Variants in IARS1 observed in about 807,000 individuals in gnomAD.
IARS1 encodes the protein isoleucyl-tRNA synthetase 1.
A neutral mutation model predicts 168.2 loss-of-function variants in IARS1; 124 were observed. The observed-to-expected ratio is 0.74, with a 90% CI of 0.64 to 0.86. IARS1 has a LOEUF of 0.86. Among genes scored for constraint, IARS1 ranks in the 40% least tolerant of loss-of-function variants. The pLI is 0.00. For missense variants in IARS1, 1,452 were observed against 1,515.8 expected (o/e 0.96, Z 0.70); for synonymous variants, 532 against 529.4 (o/e 1.00, Z -0.07).
At position 92,240,971 on chromosome 9, in the gene IARS1, T is replaced by C. The variant is rs766016986; in HGVS notation, c.3178-10A>G. ...GTTCAGATCCCTTCAACTGAGCACA[T>C]GAGAACGTATGACTGAGTAACTGTG... On this transcript the variant is annotated splice_polypyrimidine_tract_variant and intron_variant, in intron 29 of 33. Transcript: ENST00000443024. 4 of 1,522,956 alleles carry C rather than the reference T, an allele frequency of 2.6e-6. No homozygotes were observed. Among genetic ancestry groups the C allele is most frequent in the South Asian group, 2.3e-5 (2 of 88,786 alleles). 94.3% of individuals were successfully genotyped at this position (1,522,956 alleles called of 1,614,324 possible).
chr9:92,272,674 A>G (rs1833223880), intron 10 of IARS1, among the ~76,000 whole-genome samples: 1 of 152,120 alleles, frequency 6.6e-6, no homozygotes, highest in African/African-American at 2.4e-5. Context: ...ACATGGTGAA[A>G]CCCTGTCTCT....
chr9:92,253,601 C>T (rs1356320041), intron 20 of IARS1, 148 bp from the exon 21 acceptor site: 3 of 630,108 alleles, frequency 4.8e-6, no homozygotes, highest in Non-Finnish European at 8.6e-6. Flanking sequence ...GAATCAATCA[C>T]ATAATGACTG....
At chr9:92,233,714 A>G (rs1388436189) in intron 30 of IARS1, among the ~76,000 whole-genome samples, 1 of 152,102 alleles carries the variant, frequency 6.6e-6, no homozygotes, top group East Asian at 1.9e-4. Context: ...TTTCATCACT[A>G]TTTTGAAGTT....
At position 92,278,719 on chromosome 9, in the gene IARS1, T is replaced by C. The variant is rs140124624; in HGVS notation, c.746-433A>G. On this transcript the variant is annotated intron_variant, in intron 7 of 33. Coordinates refer to ENST00000443024, the MANE Select transcript of IARS1 (RefSeq NM_002161.6). The stretch of plus-strand genomic sequence containing the variant: ...ACATATAGGTAAATGTGTAAGTTCT[T>C]TTTATTTTTCTAATTGAGGTAATAT... Among the ~76,000 whole-genome samples, 142 of 152,310 alleles carry C rather than the reference T, an allele frequency of 9.3e-4. 1 individual carries two copies. Among genetic ancestry groups the C allele is most frequent in the African/African-American group, 3.2e-3 (135 of 41,562 alleles).
chr9:92,219,835 T>G (rs1839381236), intron 33 of IARS1, among the ~76,000 whole-genome samples: 1 of 148,390 alleles, frequency 6.7e-6, no homozygotes, highest in Non-Finnish European at 1.5e-5. Context: ...GTAAACTAGT[T>G]CAACCATTGT....
In IARS1 at chr9:92,253,359, T is replaced by TA. The variant is rs779965328; in HGVS notation, c.2229+2dup. 1 of 1,604,880 alleles carries TA rather than the reference T, an allele frequency of 6.2e-7. No individual in the cohort carries two copies. Among genetic ancestry groups the TA allele is most frequent in the African/African-American group, 1.3e-5 (1 of 74,900 alleles). On this transcript the variant is annotated splice_region_variant and intron_variant, in intron 21 of 33. Transcript: ENST00000443024. ...GCTTTTCCCAACAGCAGTCTGCACT[T>TA]ACCTTTAATCTTCTGCGGTTCATTC...
rs945402484 is a variant in IARS1 at position 92,260,381 on chromosome 9, C to A, written c.1788-147G>T. 4 of 656,424 alleles carry A rather than the reference C, an allele frequency of 6.1e-6. No homozygotes were observed. In the African/African-American group the frequency reaches 7.1e-5, roughly 12 times the overall value. 40.7% of individuals were successfully genotyped at this position (656,424 alleles called of 1,614,324 possible). On this transcript the variant is annotated intron_variant, in intron 17 of 33. Coordinates refer to ENST00000443024, the MANE Select transcript of IARS1 (RefSeq NM_002161.6). ...TAGAAGTTAGTGCTAATAGGCCGGG[C>A]GCGGTGGCTCACTCCTGTAATCCCA... is the stretch of plus-strand genomic sequence containing the variant.
At position 92,210,675 on chromosome 9, in the gene IARS1, C is replaced by T. The variant is rs1837598661; in HGVS notation, c.*132G>A. On this transcript the variant is annotated 3_prime_UTR_variant, in exon 34 of 34. Transcript: ENST00000443024. The stretch of plus-strand genomic sequence containing the variant: ...TAATCAATCCCATTTGAATTTCAAT[C>T]CAAGCAGCATATTTTACACACACCT... 2 of 610,962 alleles carry T rather than the reference C, an allele frequency of 3.3e-6. No individual in the cohort carries two copies. The highest frequency in any genetic ancestry group is 4.5e-5 in the South Asian group (2 of 44,880). The allele number at this position is 610,962 out of a possible 1,614,324, so 37.8% of individuals were successfully genotyped here. A position where few individuals can be genotyped will look rare whatever the true frequency, so the allele number is the denominator to read the frequency against.
At chr9:92,242,013 C>A in intron 29 of IARS1, 141 bp downstream of exon 29, 1 of 652,268 alleles carries the variant, frequency 1.5e-6, no homozygotes, top group Admixed American at 2.8e-5. Flanking sequence ...TCTGACTCTA[C>A]CCACTACTGT....
At chr9:92,258,726 G>C (rs953362666) in intron 19 of IARS1, 128 bp downstream of exon 19, 2 of 965,944 alleles carry the variant, frequency 2.1e-6, no homozygotes, top group Admixed American at 3.3e-5. Context: ...ATGGCTCTAA[G>C]TTACCCCAGC....
At chr9:92,273,401 C>T (rs1833364949) in intron 10 of IARS1, among the ~76,000 whole-genome samples, 1 of 152,060 alleles carries the variant, frequency 6.6e-6, no homozygotes, top group South Asian at 2.1e-4. Context: ...AGAGATGCAG[C>T]TAGAATTACT....
At position 92,247,600 on chromosome 9, in the gene IARS1, G is replaced by A. The variant is rs1829408776; in HGVS notation, c.2617-49C>T. On this transcript the variant is annotated intron_variant, in intron 25 of 33. Coordinates refer to ENST00000443024, the MANE Select transcript of IARS1 (RefSeq NM_002161.6). ...ACAAAAATGAGAAATGAAAACATAT[G>A]TTCACACAAAAATGTAGGTCCACAG... The A allele has an allele frequency of 5.8e-6, 9 of 1,544,800 alleles. No individual in the cohort carries two copies. In the East Asian group the frequency reaches 2.0e-4, roughly 35 times the overall value.
At chr9:92,280,661 CA>C (rs1834410901) in intron 7 of IARS1, 84 bp downstream of exon 7, 2 of 786,912 alleles carry the variant, frequency 2.5e-6, no homozygotes, top group Non-Finnish European at 1.9e-6. Context: ...ATTCTTCATG[CA>C]AAAAGAAAGG....
intron 2 of IARS1, 129 bp from the exon 3 acceptor site, chr9:92,288,411 A>G: frequency 6.5e-6 from 5 of 766,850 alleles, no homozygotes; most frequent in South Asian, 3.2e-5. Flanking sequence ...ACCGACAGAC[A>G]TAATTGATTT....
chr9:92,243,853 G>T (rs1273149319), intron 27 of IARS1, among the ~76,000 whole-genome samples: 1 of 152,126 alleles, frequency 6.6e-6, no homozygotes, highest in African/African-American at 2.4e-5. Flanking sequence ...TTTTGCTAAG[G>T]TTAATGTTTC....
At chr9:92,287,186 T>C (rs1835592216) in intron 4 of IARS1, among the ~76,000 whole-genome samples, 1 of 152,172 alleles carries the variant, frequency 6.6e-6, no homozygotes, top group Non-Finnish European at 1.5e-5. Context: ...TCAGGAAACC[T>C]CACACATTGA....
At chr9:92,290,069 T>C (rs948963150) in intron 1 of IARS1, among the ~76,000 whole-genome samples, 6 of 152,094 alleles carry the variant, frequency 3.9e-5, no homozygotes, top group African/African-American at 9.7e-5. Context: ...CTTGGGTTTG[T>C]AGCTAGAAGT....
At position 92,289,932 on chromosome 9, in the gene IARS1, C is replaced by CATGATATGGATA. The variant is rs1259430178; in HGVS notation, c.-7-507_-7-506insTATCCATATCAT. On this transcript the variant is annotated intron_variant, in intron 1 of 33. Coordinates refer to ENST00000443024, the MANE Select transcript of IARS1 (RefSeq NM_002161.6). Reference sequence around the variant, plus strand: ...AATAGTATTCCATTTCATGAATATGCCACATTTTGTTTATCCATTCATCAT... The same window carrying CATGATATGGATA: ...AATAGTATTCCATTTCATGAATATGCATGATATGGATACACATTTTGTTTATCCATTCATCAT... 3.9e-5 allele frequency among the ~76,000 whole-genome samples: 6 copies of CATGATATGGATA among 152,276 alleles called. No homozygotes were observed. The East Asian group carries it at 1.2e-3, about 29-fold the overall frequency.
In IARS1 at chr9:92,231,899, T is replaced by C. The variant is rs370569604; in HGVS notation, c.3284-2773A>G. On this transcript the variant is annotated intron_variant, in intron 30 of 33. Coordinates refer to ENST00000443024, the MANE Select transcript of IARS1 (RefSeq NM_002161.6). ...TTCATGTGACTTGGGTAAGAATATA[T>C]AATGCAGATATACAACTTTTAAATC... Among the ~76,000 whole-genome samples the C allele has an allele frequency of 1.2e-4, 19 of 152,202 alleles. No homozygotes were observed. The East Asian group carries it at 2.7e-3, about 22-fold the overall frequency.
Sources: allele counts gnomAD v4.1 joint callset (sites outside exome capture counted in the v4.1 genomes callset), GRCh38; gene constraint gnomAD v4.1.1; transcripts MANE v1.5; gene names NCBI Gene and HGNC (gene_info 2026-07-23, HGNC 2026-07-21).